FHAD1: variants seen among roughly 807,000 people sequenced by gnomAD.
FHAD1 encodes the protein forkhead-associated domain-containing protein 1.
A neutral mutation model predicts 191.3 loss-of-function variants in FHAD1; 146 were observed. The ratio of observed to expected loss-of-function variants is 0.76; its 90% confidence interval spans 0.67 to 0.88. The LOEUF (loss-of-function observed/expected upper bound fraction) is 0.88, where lower values mean the gene tolerates loss of function less well. Ranked by LOEUF, FHAD1 falls within the 40% of genes least tolerant of loss-of-function variation. FHAD1 has a pLI of 0.00. For missense variants in FHAD1, 1,635 were observed against 1,785.8 expected, an observed-to-expected ratio of 0.92 and a Z score of 1.52; for synonymous variants, 616 against 672.3, an observed-to-expected ratio of 0.92 and a Z score of 1.29.
intron 3 of FHAD1, among the ~76,000 whole-genome samples, chr1:15,279,512 T>C (rs569744697): frequency 6.8e-6 from 1 of 147,846 alleles, no homozygotes; most frequent in East Asian, 2.0e-4. Context: ...TTCTGTCTTC[T>C]TCCTTCTTTC....
At chr1:15,271,461 A>G (rs1655942173) in intron 2 of FHAD1, among the ~76,000 whole-genome samples, 1 of 152,208 alleles carries the variant, frequency 6.6e-6, no homozygotes, top group African/African-American at 2.4e-5. Context: ...GTGAAATTAC[A>G]GAGGAGCTTC....
chr1:15,396,917 G>T (rs139556492), intron 33 of FHAD1, among the ~76,000 whole-genome samples: 83 of 152,020 alleles, frequency 5.5e-4, no homozygotes, highest in African/African-American at 1.8e-3. Context: ...GGGTGCGGTG[G>T]CTCAAGCCTG....
Position 15,327,025 on chromosome 1 carries a change from AC to A in FHAD1, c.1474-29del. 7.1e-7 allele frequency: 1 copy of A among 1,400,202 alleles called. No homozygotes were observed. Among genetic ancestry groups the A allele is most frequent in the Non-Finnish European group, 9.8e-7 (1 of 1,015,660 alleles). The allele number at this position is 1,400,202 out of a possible 1,614,324, so 86.7% of individuals were successfully genotyped here. ...TGCCCCCACTTGCCGGCCCCTGCTG[AC>A]CCCCTGACACTGTTGCCCCCTCTCT... On this transcript the variant is annotated intron_variant, in intron 11 of 33. Coordinates refer to ENST00000688493, the MANE Select transcript of FHAD1 (RefSeq NM_001391957.1). This position sits in a 1 kb window ranked among gnomAD's most constrained non-coding sequence, Gnocchi z 5.1.
rs72864822 is a variant in FHAD1 at position 15,288,377 on chromosome 1, T to C, written c.301-1022T>C. ...GTTTGCTCATCCACGGTTAGATGGA[T>C]TTTGACATGCTCTCCACTGAAAGCA... On this transcript the variant is annotated intron_variant, in intron 3 of 33. Coordinates refer to ENST00000688493, the MANE Select transcript of FHAD1 (RefSeq NM_001391957.1). 8.1e-3 allele frequency among the ~76,000 whole-genome samples: 1,228 copies of C among 152,366 alleles called. 11 individuals are homozygous for C. Among genetic ancestry groups the C allele is most frequent in the African/African-American group, 0.027 (1,124 of 41,586 alleles).
chr1:15,315,052 C>T (rs1673883511), intron 8 of FHAD1: 1 of 152,018 alleles, frequency 6.6e-6, no homozygotes, highest in Admixed American at 6.6e-5. Context: ...AACAGGTCTG[C>T]CTTCTTCTCC....
At chr1:15,284,271 G>T (rs1231284144) in intron 3 of FHAD1, among the ~76,000 whole-genome samples, 5 of 152,088 alleles carry the variant, frequency 3.3e-5, no homozygotes, top group African/African-American at 1.2e-4. Context: ...ACGAGGTTAG[G>T]AGATCGAGAC....
intron 3 of FHAD1, among the ~76,000 whole-genome samples, chr1:15,280,460 A>G (rs933934188): frequency 1.3e-5 from 2 of 152,116 alleles, no homozygotes; most frequent in African/African-American, 4.8e-5. Flanking sequence ...AAAAACACAG[A>G]AGGACTCCTG....
At chr1:15,248,396 G>A (rs559230095) in intron 1 of FHAD1, among the ~76,000 whole-genome samples, 7 of 134,592 alleles carry the variant, frequency 5.2e-5, no homozygotes, top group African/African-American at 1.5e-4. Flanking sequence ...GGCACTGTGA[G>A]CTCATGTTTG....
At chr1:15,400,904 A>G (rs1046837131), downstream of FHAD1, among the ~76,000 whole-genome samples, 1 of 152,220 alleles carries the variant, frequency 6.6e-6, no homozygotes, top group Non-Finnish European at 1.5e-5. Context: ...CCCATCAGAT[A>G]AAGCCAGAGT....
intron 31 of FHAD1, among the ~76,000 whole-genome samples, chr1:15,382,848 A>G (rs1349682635): frequency 6.6e-6 from 1 of 152,166 alleles, no homozygotes; most frequent in Non-Finnish European, 1.5e-5. Flanking sequence ...CACCAAAGGG[A>G]TGAGAGGGTG....
intron 6 of FHAD1, among the ~76,000 whole-genome samples, chr1:15,301,888 G>A (rs998545578): frequency 2.6e-5 from 4 of 152,176 alleles, no homozygotes; most frequent in African/African-American, 4.8e-5. Context: ...TTAGCCAGGC[G>A]TGATGGTGCA....
chr1:15,354,058 T>C (rs1486349836), intron 20 of FHAD1, among the ~76,000 whole-genome samples: 1 of 152,156 alleles, frequency 6.6e-6, no homozygotes, highest in Non-Finnish European at 1.5e-5. Context: ...AATTTAAATA[T>C]AGGTGACTAT....
At chr1:15,378,529 C>A (rs1325346483) in intron 28 of FHAD1, among the ~76,000 whole-genome samples, 4 of 152,160 alleles carry the variant, frequency 2.6e-5, no homozygotes, top group African/African-American at 9.7e-5. Flanking sequence ...AGAGGGGATT[C>A]TGAAGGGGAG....
Position 15,397,374 on chromosome 1 carries a change from C to T in FHAD1, c.4401C>T (p.Ser1467=), listed in dbSNP as rs765225773. Residue 1467 remains serine, a synonymous_variant, in exon 34 of 34, where the codon AGC becomes AGT. Coordinates refer to ENST00000688493, the MANE Select transcript of FHAD1 (RefSeq NM_001391957.1). ...GGAAAGAGACCTCCAGCAAGTCCAGCCAGAGCCTTTTGCATTCTAAGCCCA... is the reference window on the plus strand; with the variant it reads ...GGAAAGAGACCTCCAGCAAGTCCAGTCAGAGCCTTTTGCATTCTAAGCCCA... ...MLRKETSSKS[S]QSLLHSKPSG... is the part of the protein sequence containing the mutation. 7 of 1,545,310 alleles carry T rather than the reference C, an allele frequency of 4.5e-6. No individual in the cohort carries two copies. The South Asian group carries it at 8.4e-5, about 19-fold the overall frequency.
rs552705395 is a variant in FHAD1, at chr1:15,311,308, G to A, written c.1040-1749G>A. Among the ~76,000 whole-genome samples the A allele has an allele frequency of 1.3e-5, 2 of 152,318 alleles. No homozygotes were observed. The highest frequency in any genetic ancestry group is 4.1e-4 in the South Asian group (2 of 4,826). ...CCTCAAGTCTTCAGCAGAGTCAGGT[G>A]TGATGAGCACGTGCATGTGGGCAGG... On this transcript the variant is annotated intron_variant, in intron 7 of 33. Transcript: ENST00000688493. The surrounding 1 kb of genome is among the most constrained non-coding windows in gnomAD (Gnocchi z 4.1).
At chr1:15,245,304 GTGCTTTTGTTGTTCTTATTTTTATT>G (rs1438323233), upstream of FHAD1, among the ~76,000 whole-genome samples, 6 of 152,274 alleles carry the variant, frequency 3.9e-5, no homozygotes, top group South Asian at 4.1e-4. Context: ...TTGTTTGGAT[GTGCTTTTGTTGTTCTTATTTTTATT>G]TGCTTTTGTT....
In FHAD1 at chr1:15,358,106, C is replaced by T. The variant is rs1299420000; in HGVS notation, c.2563-4C>T. On this transcript the variant is annotated splice_polypyrimidine_tract_variant and splice_region_variant and intron_variant, in intron 20 of 33. Transcript: ENST00000688493. ...GTTATTTTGCTACTTGTTTTTTTGT[C>T]TAGGAATTAGAATTAAAAGAGCAAA... 2 of 1,498,222 alleles carry T rather than the reference C, an allele frequency of 1.3e-6. No individual in the cohort carries two copies. The highest frequency in any genetic ancestry group is 2.5e-5 in the East Asian group (1 of 39,738). The allele number at this position is 1,498,222 out of a possible 1,614,324, so 92.8% of individuals were successfully genotyped here. A position where few individuals can be genotyped will look rare whatever the true frequency, so the allele number is the denominator to read the frequency against.
intron 6 of FHAD1, among the ~76,000 whole-genome samples, chr1:15,303,412 C>T (rs909823476): frequency 1.3e-5 from 2 of 152,226 alleles, no homozygotes; most frequent in Non-Finnish European, 2.9e-5. Context: ...AGCTTTCCTG[C>T]ACTAAGTGAA....
chr1:15,248,109 G>A (rs1284749129), intron 1 of FHAD1, among the ~76,000 whole-genome samples: 1 of 151,788 alleles, frequency 6.6e-6, no homozygotes, highest in African/African-American at 2.4e-5. Flanking sequence ...AAAATGAAAG[G>A]TAGTTACTGT....
Sources: gnomAD v4.1 joint callset for allele counts (sites outside exome capture counted in the v4.1 genomes callset) on GRCh38, gnomAD v4.1.1 for gene constraint, Gnocchi (gnomAD v3.1) non-coding constraint, MANE v1.5 for transcripts, NCBI Gene and HGNC (gene_info 2026-07-23, HGNC 2026-07-21) for gene names.